HECW1: variants seen among roughly 807,000 people sequenced by gnomAD.
HECW1 encodes HECT, C2 and WW domain containing E3 ubiquitin protein ligase 1.
In HECW1, 61 loss-of-function variants were observed where a neutral mutation model predicts 182.3. The observed-to-expected ratio is 0.33, with a 90% CI of 0.27 to 0.41. The LOEUF is 0.41. HECW1 is among the 10% of genes least tolerant of loss of function. HECW1 has a pLI of 1.00. For missense variants in HECW1, 1,739 were observed against 2,108.9 expected (o/e 0.82, Z 3.44); for synonymous variants, 859 against 832.6 (o/e 1.03, Z -0.55).
intron 21 of HECW1, among the ~76,000 whole-genome samples, chr7:43,504,286 C>A (rs879705603): frequency 1.6e-4 from 24 of 152,218 alleles, no homozygotes; most frequent in African/African-American, 5.8e-4. Context: ...AAATCACATT[C>A]CTGACCTTGT....
At chr7:43,406,009 C>G (rs138144362) in intron 7 of HECW1, among the ~76,000 whole-genome samples, 1 of 152,220 alleles carries the variant, frequency 6.6e-6, no homozygotes, top group Non-Finnish European at 1.5e-5. Context: ...CGCATGCCTC[C>G]TCTTCCTACT....
intron 2 of HECW1, among the ~76,000 whole-genome samples, chr7:43,169,879 C>T (rs1354468369): frequency 6.6e-6 from 1 of 152,106 alleles, no homozygotes; most frequent in African/African-American, 2.4e-5. Flanking sequence ...CCCCAGGAGA[C>T]AATCCCCTAC....
rs910877276 is a variant in HECW1, at chr7:43,501,095, G to C, written c.3522-118G>C. The C allele has an allele frequency of 3.2e-5, 20 of 622,948 alleles. No individual in the cohort carries two copies. In the Admixed American group the frequency reaches 3.8e-4, roughly 12 times the overall value. The allele number at this position is 622,948 out of a possible 1,614,324, so 38.6% of individuals were successfully genotyped here. ...TTCTGTACTACATTTAAATCTAATTGCTTTTGTTGCTTTGTGAGAAGTGTA... is the reference window on the plus strand; with the variant it reads ...TTCTGTACTACATTTAAATCTAATTCCTTTTGTTGCTTTGTGAGAAGTGTA... On this transcript the variant is annotated intron_variant, in intron 20 of 29. Coordinates refer to ENST00000395891, the MANE Select transcript of HECW1 (RefSeq NM_015052.5).
At chr7:43,534,496 T>C (rs1319631485) in intron 24 of HECW1, among the ~76,000 whole-genome samples, 1 of 152,228 alleles carries the variant, frequency 6.6e-6, no homozygotes, top group Non-Finnish European at 1.5e-5. Flanking sequence ...GCCACATCTT[T>C]CCATACATTG....
At chr7:43,291,948 A>AGT (rs1241105605) in intron 3 of HECW1, among the ~76,000 whole-genome samples, 1 of 152,214 alleles carries the variant, frequency 6.6e-6, no homozygotes, top group Non-Finnish European at 1.5e-5. Flanking sequence ...CTTTAAACAA[A>AGT]GGTAAGGCTT....
chr7:43,305,967 T>C (rs949671965), intron 3 of HECW1, among the ~76,000 whole-genome samples: 1 of 151,682 alleles, frequency 6.6e-6, no homozygotes, highest in Non-Finnish European at 1.5e-5. Context: ...TCCATGTTGG[T>C]CAAGCTGGTC....
chr7:43,114,318 T>C lies in HECW1; in HGVS notation c.-105T>C. 7.3e-7 allele frequency: 1 copy of C among 1,361,970 alleles called. No individual in the cohort carries two copies. Among genetic ancestry groups the C allele is most frequent in the African/African-American group, 1.4e-5 (1 of 69,372 alleles). The allele number at this position is 1,361,970 out of a possible 1,614,324, so 84.4% of individuals were successfully genotyped here. A position where few individuals can be genotyped will look rare whatever the true frequency, so the allele number is the denominator to read the frequency against. ...GTTAAAGACCCCGGCAGTGTTGTGGTCCAAGGCGTCTCAAAGCAGGTGGCC... is the reference window on the plus strand; with the variant it reads ...GTTAAAGACCCCGGCAGTGTTGTGGCCCAAGGCGTCTCAAAGCAGGTGGCC... On this transcript the variant is annotated 5_prime_UTR_variant, in exon 2 of 30. Coordinates refer to ENST00000395891, the MANE Select transcript of HECW1 (RefSeq NM_015052.5).
intron 11 of HECW1, among the ~76,000 whole-genome samples, chr7:43,447,449 T>C (rs1345102061): frequency 2.0e-5 from 3 of 152,176 alleles, no homozygotes; most frequent in East Asian, 3.8e-4. Flanking sequence ...TCTAAAGAAA[T>C]ATCTAAGTTC....
At chr7:43,416,901 G>A (rs866702474) in intron 8 of HECW1, among the ~76,000 whole-genome samples, 1 of 151,908 alleles carries the variant, frequency 6.6e-6, no homozygotes, top group Admixed American at 6.6e-5. Flanking sequence ...CACGGTGTGC[G>A]CACCCACTGG....
At chr7:43,441,249 G>T (rs1311240468) in intron 9 of HECW1, among the ~76,000 whole-genome samples, 5 of 152,092 alleles carry the variant, frequency 3.3e-5, no homozygotes, top group Non-Finnish European at 5.9e-5. Flanking sequence ...GGGTGGAGGG[G>T]ATGGCATGAA....
intron 6 of HECW1, among the ~76,000 whole-genome samples, chr7:43,390,133 G>A (rs1053918040): frequency 4.6e-5 from 7 of 151,868 alleles, no homozygotes; most frequent in South Asian, 2.1e-4. Flanking sequence ...CTTTTTCCTC[G>A]TAGTGATTAG....
intron 2 of HECW1, among the ~76,000 whole-genome samples, chr7:43,139,263 AATGGGGAGCACC>A (rs1489994210): frequency 6.6e-6 from 1 of 152,236 alleles, no homozygotes; most frequent in Non-Finnish European, 1.5e-5. Flanking sequence ...CCTAGTGTTT[AATGGGGAGCACC>A]ATGGCAAACC....
chr7:43,474,796 T>C (rs2078160476), intron 16 of HECW1, among the ~76,000 whole-genome samples: 1 of 152,218 alleles, frequency 6.6e-6, no homozygotes, highest in African/African-American at 2.4e-5. Context: ...AATGAAATGT[T>C]TGTCCTTACA....
chr7:43,446,209 C>T (rs972733784), intron 11 of HECW1, among the ~76,000 whole-genome samples: 3 of 152,108 alleles, frequency 2.0e-5, no homozygotes, highest in Non-Finnish European at 4.4e-5. Context: ...GGAAAAATAA[C>T]ATGATTGTGT....
chr7:43,311,855 A>G lies in HECW1; in HGVS notation c.120A>G (p.Arg40=), dbSNP rs767912941. 1 of 1,614,210 alleles carries G rather than the reference A, an allele frequency of 6.2e-7. No homozygotes were observed. Among genetic ancestry groups the G allele is most frequent in the Non-Finnish European group, 8.5e-7 (1 of 1,180,028 alleles). ...QSRRRCKEPL[R]YSYNPDQFHN... ...GACGCCGGTGCAAGGAGCCGCTCCG[A>G]TACAGCTACAACCCCGACCAGTTCC... Residue 40 remains arginine, a synonymous_variant, in exon 4 of 30, where the codon CGA becomes CGG. Transcript: ENST00000395891.
In HECW1 at chr7:43,563,412, TG is replaced by T. The variant is rs1442398177; in HGVS notation, c.*1489del. 2 of 199,556 alleles carry T rather than the reference TG, an allele frequency of 1.0e-5. No homozygotes were observed. The highest frequency in any genetic ancestry group is 4.6e-5 in the African/African-American group (2 of 43,470). 12.4% of individuals were successfully genotyped at this position (199,556 alleles called of 1,614,324 possible). On this transcript the variant is annotated 3_prime_UTR_variant, in exon 30 of 30. Transcript: ENST00000395891. ...CATAAATGAAAGTGTTTTTCTTCAC[TG>T]GGAAAAAGAAGAGCTCAAGAGACCC...
At chr7:43,464,909 C>G (rs1244491064) in intron 14 of HECW1, among the ~76,000 whole-genome samples, 1 of 152,070 alleles carries the variant, frequency 6.6e-6, no homozygotes, top group Non-Finnish European at 1.5e-5. Flanking sequence ...TCAAACAGTC[C>G]TCCCAACACA....
At chr7:43,535,676 C>T (rs1167516754) in intron 24 of HECW1, among the ~76,000 whole-genome samples, 2 of 152,174 alleles carry the variant, frequency 1.3e-5, no homozygotes, top group Non-Finnish European at 2.9e-5. Flanking sequence ...CCACTATTTG[C>T]ATGTATCGAG....
At chr7:43,387,712 A>T (rs2074854697) in intron 6 of HECW1, among the ~76,000 whole-genome samples, 1 of 152,244 alleles carries the variant, frequency 6.6e-6, no homozygotes, top group African/African-American at 2.4e-5. Flanking sequence ...AACAAAGGGC[A>T]ACAGATTTCT....
Sources: allele counts gnomAD v4.1 joint callset (sites outside exome capture counted in the v4.1 genomes callset), GRCh38; gene constraint gnomAD v4.1.1; transcripts MANE v1.5; gene names NCBI Gene and HGNC (gene_info 2026-07-23, HGNC 2026-07-21).